SLC29A3: variants seen among roughly 807,000 people sequenced by gnomAD.
SLC29A3 encodes the protein equilibrative nucleoside transporter 3.
SLC29A3 carries 18 observed loss-of-function variants against 25.4 expected under a neutral mutation model. The ratio of observed to expected loss-of-function variants is 0.71; its 90% CI spans 0.49 to 1.05. The LOEUF (loss-of-function observed/expected upper bound fraction) is 1.05, where lower values mean the gene tolerates loss of function less well. SLC29A3 is among the 50% of genes least tolerant of loss of function. The probability of loss-of-function intolerance (pLI) is 0.00; values close to 1 mark genes in which losing one functional copy is unlikely to be tolerated. For synonymous variants in SLC29A3, 258 were observed against 267.1 expected (o/e 0.97, Z 0.33); for missense variants, 586 against 609.0 (o/e 0.96, Z 0.40).
downstream of SLC29A3, chr10:71,364,573 C>T (rs1177803038): frequency 6.6e-6 from 1 of 152,196 alleles, no homozygotes; most frequent in African/African-American, 2.4e-5. Context: ...AGAACTTACC[C>T]CCAAGATGTG....
chr10:71,323,063 A>G lies in SLC29A3; in HGVS notation c.300+9A>G. The G allele has an allele frequency of 6.2e-7, 1 of 1,612,496 alleles. No homozygotes were observed. The highest frequency in any genetic ancestry group is 8.5e-7 in the Non-Finnish European group (1 of 1,180,036). ...AGGGCTCAGACATCCTGGTAAGGGCATGTTTCTCCTGCAAGGCTGGTGGGA... is the reference window on the plus strand; with the variant it reads ...AGGGCTCAGACATCCTGGTAAGGGCGTGTTTCTCCTGCAAGGCTGGTGGGA... On this transcript the variant is annotated intron_variant, in intron 2 of 5. Coordinates refer to ENST00000373189, the MANE Select transcript of SLC29A3 (RefSeq NM_018344.6).
chr10:71,320,915 T>C (rs1246736052), intron 1 of SLC29A3, among the ~76,000 whole-genome samples: 13 of 152,176 alleles, frequency 8.5e-5, no homozygotes. Flanking sequence ...TCCTCCCCGG[T>C]GTGCTGAGGA....
rs536751579 is a variant in SLC29A3 at position 71,335,072 on chromosome 10, A to G, written c.301-9137A>G. ...TTTGTTGAATGAGTGAATGAGCTCT[A>G]GAAGGTCAACTGCCTTTCACCTTTA... On this transcript the variant is annotated intron_variant, in intron 2 of 5. Transcript: ENST00000373189. 1.6e-4 allele frequency among the ~76,000 whole-genome samples: 24 copies of G among 151,554 alleles called. No individual in the cohort carries two copies. The South Asian group carries it at 5.0e-3, about 32-fold the overall frequency.
At chr10:71,339,119 T>A (rs1775764368) in intron 2 of SLC29A3, among the ~76,000 whole-genome samples, 1 of 152,244 alleles carries the variant, frequency 6.6e-6, no homozygotes, top group South Asian at 2.1e-4. Context: ...TCTGGGAAAT[T>A]CCTCTACCTC....
chr10:71,373,931 G>T (rs1001082771), intron 3 of SLC29A3, among the ~76,000 whole-genome samples: 1 of 152,316 alleles, frequency 6.6e-6, no homozygotes, highest in African/African-American at 2.4e-5. Flanking sequence ...GTTCACAGGA[G>T]ACCCTTCTAG....
chr10:71,325,108 G>A (rs1845936096), intron 2 of SLC29A3, among the ~76,000 whole-genome samples: 1 of 152,164 alleles, frequency 6.6e-6, no homozygotes, highest in Admixed American at 6.5e-5. Flanking sequence ...ACAAGAAGGG[G>A]GTATGCTAGC....
chr10:71,362,831 T>G lies in SLC29A3; in HGVS notation c.*223T>G. 1 of 698,762 alleles carries G rather than the reference T, an allele frequency of 1.4e-6. No individual in the cohort carries two copies. Among genetic ancestry groups the G allele is most frequent in the South Asian group, 1.5e-5 (1 of 66,766 alleles). 43.3% of individuals were successfully genotyped at this position (698,762 alleles called of 1,614,324 possible). Reference sequence around the variant, plus strand: ...ATTAACAGAACACTCCTGAGACAGTTGAAGAAGAAATAGCACAAATCAGGG... The same window carrying G: ...ATTAACAGAACACTCCTGAGACAGTGGAAGAAGAAATAGCACAAATCAGGG... On this transcript the variant is annotated 3_prime_UTR_variant, in exon 6 of 6. Coordinates refer to ENST00000373189, the MANE Select transcript of SLC29A3 (RefSeq NM_018344.6).
intron 5 of SLC29A3, among the ~76,000 whole-genome samples, chr10:71,359,414 G>C (rs1213263069): frequency 6.6e-6 from 1 of 152,238 alleles, no homozygotes; most frequent in Non-Finnish European, 1.5e-5. Context: ...AGGAGGAAGA[G>C]CTGCGACCAG....
At chr10:71,336,527 G>T (rs538703605) in intron 2 of SLC29A3, among the ~76,000 whole-genome samples, 2 of 151,974 alleles carry the variant, frequency 1.3e-5, no homozygotes, top group East Asian at 3.9e-4. Context: ...AGTGTGGAGT[G>T]AAGGGGAGGA....
chr10:71,377,388 A>G (rs891257101), intron 4 of SLC29A3, among the ~76,000 whole-genome samples: 1 of 152,266 alleles, frequency 6.6e-6, no homozygotes, highest in African/African-American at 2.4e-5. Context: ...CGCCGCGCTC[A>G]GCTCGGCCAG....
chr10:71,349,132 G>A (rs1250976145), intron 3 of SLC29A3, among the ~76,000 whole-genome samples: 2 of 152,170 alleles, frequency 1.3e-5, no homozygotes, highest in African/African-American at 2.4e-5. Flanking sequence ...ACATGGGCAG[G>A]ACACCAGCAG....
At chr10:71,375,277 G>A (rs1847241884) in intron 3 of SLC29A3, among the ~76,000 whole-genome samples, 1 of 152,220 alleles carries the variant, frequency 6.6e-6, no homozygotes, top group East Asian at 1.9e-4. Context: ...TGGAAAGAGT[G>A]AAGTGCTGGT....
At chr10:71,334,376 G>A (rs1276164436) in intron 2 of SLC29A3, among the ~76,000 whole-genome samples, 2 of 152,304 alleles carry the variant, frequency 1.3e-5, no homozygotes, top group South Asian at 2.1e-4. Flanking sequence ...GGGGTAACCC[G>A]CTGCTAACCT....
At chr10:71,330,721 A>G (rs1589224383) in intron 2 of SLC29A3, among the ~76,000 whole-genome samples, 1 of 152,350 alleles carries the variant, frequency 6.6e-6, no homozygotes, top group Middle Eastern at 3.4e-3. Context: ...GGACTTCACT[A>G]AATCCCAACA....
At chr10:71,348,172 C>T (rs1846645353) in intron 3 of SLC29A3, among the ~76,000 whole-genome samples, 1 of 152,206 alleles carries the variant, frequency 6.6e-6, no homozygotes, top group Non-Finnish European at 1.5e-5. Context: ...AAATATTTAC[C>T]CAGTGCCTGC....
chr10:71,320,816 T>C (rs576870381), intron 1 of SLC29A3, among the ~76,000 whole-genome samples: 11 of 152,302 alleles, frequency 7.2e-5, no homozygotes, highest in African/African-American at 2.6e-4. Context: ...GCAGTGTGCC[T>C]GGGCCCCTCC....
intron 5 of SLC29A3, among the ~76,000 whole-genome samples, chr10:71,359,434 G>A (rs1480356599): frequency 6.6e-6 from 1 of 152,212 alleles, no homozygotes; most frequent in African/African-American, 2.4e-5. Flanking sequence ...GAGGAACTTG[G>A]TGGGGAATTT....
chr10:71,329,189 T>C (rs1325336590), intron 2 of SLC29A3, among the ~76,000 whole-genome samples: 2 of 152,192 alleles, frequency 1.3e-5, no homozygotes, highest in East Asian at 3.8e-4. Flanking sequence ...CCCAAGGTTA[T>C]TTGCTAGCAA....
rs533085161 is a variant in SLC29A3, at chr10:71,334,696, C to T, written c.301-9513C>T. On this transcript the variant is annotated intron_variant, in intron 2 of 5. Coordinates refer to ENST00000373189, the MANE Select transcript of SLC29A3 (RefSeq NM_018344.6). The stretch of plus-strand genomic sequence containing the variant: ...GAACCGCCATCGCTGGATTGTGCAC[C>T]GTGATCCCGCAGTGCACCTCCACCA... Among the ~76,000 whole-genome samples, 25 of 152,216 alleles carry T rather than the reference C, an allele frequency of 1.6e-4. 1 individual carries two copies. The South Asian group carries it at 4.8e-3, about 29-fold the overall frequency.
Sources: gnomAD v4.1 joint callset for allele counts (sites outside exome capture counted in the v4.1 genomes callset) on GRCh38, gnomAD v4.1.1 for gene constraint, MANE v1.5 for transcripts, NCBI Gene and HGNC (gene_info 2026-07-23, HGNC 2026-07-21) for gene names.